KMT2C: variants seen among roughly 807,000 people sequenced by gnomAD.
KMT2C encodes histone-lysine N-methyltransferase 2C.
Under a neutral mutation model 507.9 loss-of-function variants are expected in KMT2C, and 88 were observed. The observed-to-expected ratio is 0.17, with a 90% CI of 0.15 to 0.21. KMT2C has a LOEUF of 0.21. Among genes scored for constraint, KMT2C ranks in the 10% least tolerant of loss-of-function variants. KMT2C has a pLI of 1.00. For missense variants in KMT2C, 4,954 were observed against 5,957.8 expected (o/e 0.83, Z 5.55); for synonymous variants, 2,049 against 2,080.8 (o/e 0.98, Z 0.42).
chr7:152,243,180 A>G (rs2095415308), intron 14 of KMT2C, among the ~76,000 whole-genome samples: 1 of 152,228 alleles, frequency 6.6e-6, no homozygotes. Context: ...CTACAGAAAC[A>G]GCTATTATCA....
At chr7:152,322,595 A>G (rs1396590671) in intron 3 of KMT2C, among the ~76,000 whole-genome samples, 4 of 152,018 alleles carry the variant, frequency 2.6e-5, no homozygotes, top group Admixed American at 6.6e-5. Flanking sequence ...CGGATGTCAA[A>G]CTATAAAACT....
At chr7:152,387,468 CA>C (rs2097440331) in intron 1 of KMT2C, among the ~76,000 whole-genome samples, 1 of 123,754 alleles carries the variant, frequency 8.1e-6, no homozygotes, top group Admixed American at 8.0e-5. Flanking sequence ...AGTATAATTC[CA>C]TTTTTTTTTT....
chr7:152,357,900 A>G (rs2097165374), intron 2 of KMT2C, among the ~76,000 whole-genome samples: 1 of 152,236 alleles, frequency 6.6e-6, no homozygotes, highest in African/African-American at 2.4e-5. Flanking sequence ...AAGCATCAAG[A>G]TGATATTCAA....
chr7:152,352,807 A>C (rs1387612364), intron 2 of KMT2C, among the ~76,000 whole-genome samples: 1 of 152,180 alleles, frequency 6.6e-6, no homozygotes, highest in African/African-American at 2.4e-5. Flanking sequence ...TGGGCCTGAA[A>C]AATAAAACTT....
chr7:152,403,861 C>A (rs2097588236), intron 1 of KMT2C, among the ~76,000 whole-genome samples: 1 of 151,912 alleles, frequency 6.6e-6, no homozygotes, highest in African/African-American at 2.4e-5. Flanking sequence ...TAAGTTGAAG[C>A]AAAATAATGT....
Position 152,163,149 on chromosome 7 carries a change from T to C in KMT2C, c.10428A>G (p.Gln3476=). Reference sequence around the variant, plus strand: ...GCTGTAAAACCTGCCCCATTTGCTGTTGGTGTTGTGGAGACTGCTGAAGGG... The same window carrying C: ...GCTGTAAAACCTGCCCCATTTGCTGCTGGTGTTGTGGAGACTGCTGAAGGG... ...LGPLQQSPQH[Q]QQMGQVLQQQ... is the part of the protein sequence containing the mutation. Residue 3476 remains glutamine, a synonymous_variant, in exon 43 of 59, where the codon CAA becomes CAG. Transcript: ENST00000262189. 6.2e-7 allele frequency: 1 copy of C among 1,614,196 alleles called. No homozygotes were observed.
At chr7:152,194,606 A>T in intron 28 of KMT2C, 38 bp from the exon 29 acceptor site, 3 of 1,559,408 alleles carry the variant, frequency 1.9e-6, no homozygotes, top group Non-Finnish European at 1.8e-6. Context: ...AGGTACATTC[A>T]GAATACTCAC....
Position 152,148,172 on chromosome 7 carries a change from C to T in KMT2C, c.13755G>A (p.Leu4585=), listed in dbSNP as rs779129493. The T allele has an allele frequency of 1.9e-6, 3 of 1,614,120 alleles. No homozygotes were observed. Among genetic ancestry groups the T allele is most frequent in the African/African-American group, 2.7e-5 (2 of 74,952 alleles). The change falls in exon 52 of 59, where the codon CTG becomes CTA. Residue 4585 remains leucine, a synonymous_variant. Coordinates refer to ENST00000262189, the MANE Select transcript of KMT2C (RefSeq NM_170606.3). This position sits in a 1 kb window ranked among gnomAD's most constrained non-coding sequence, Gnocchi z 7.1. Reference sequence around the variant, plus strand: ...TATTGGCATAGCGAGTGCTCCAGTACAGCCGGCTGGCTTCATAGCCCACAG... The same window carrying T: ...TATTGGCATAGCGAGTGCTCCAGTATAGCCGGCTGGCTTCATAGCCCACAG... ...LFPVGYEASR[L]YWSTRYANRR...
At chr7:152,335,463 C>T (rs997350415) in intron 2 of KMT2C, among the ~76,000 whole-genome samples, 38 of 152,146 alleles carry the variant, frequency 2.5e-4, no homozygotes, top group African/African-American at 8.2e-4. Context: ...AGCCAAATGG[C>T]CCAGGGTCGC....
chr7:152,279,223 C>A (rs77578701), intron 6 of KMT2C, among the ~76,000 whole-genome samples: 1 of 123,560 alleles, frequency 8.1e-6, no homozygotes, highest in Non-Finnish European at 1.8e-5. Context: ...TTCTATATAA[C>A]GGCAGAGTTT....
At chr7:152,383,863 T>A (rs1471031988) in intron 1 of KMT2C, among the ~76,000 whole-genome samples, 1 of 152,124 alleles carries the variant, frequency 6.6e-6, no homozygotes, top group African/African-American at 2.4e-5. Context: ...ACACTCATCA[T>A]CGTCATTACT....
At chr7:152,297,316 GAAA>G (rs1023473149) in intron 6 of KMT2C, among the ~76,000 whole-genome samples, 1 of 152,212 alleles carries the variant, frequency 6.6e-6, no homozygotes, top group East Asian at 1.9e-4. Context: ...AGCCAGGAGA[GAAA>G]AAAGCAGCAA....
At position 152,182,104 on chromosome 7, in the gene KMT2C, G is replaced by A; in HGVS notation, c.5756C>T (p.Ser1919Phe). The change falls in exon 36 of 59, where the codon TCT becomes TTT. Residue 1919 changes from serine (S) to phenylalanine (F), a missense_variant. Physicochemically the swap from Ser to Phe is radical, Grantham distance 155. Transcript: ENST00000262189. ...PVGHSFSRRN[S>F]AAPVENCTPL... Reference sequence around the variant, plus strand: ...TGTACAGTTTTCCACTGGTGCAGCAGAATTTCTTCTGGAAAAACTATGGCC... The same window carrying A: ...TGTACAGTTTTCCACTGGTGCAGCAAAATTTCTTCTGGAAAAACTATGGCC... 5 of 1,614,234 alleles carry A rather than the reference G, an allele frequency of 3.1e-6. No homozygotes were observed. The highest frequency in any genetic ancestry group is 4.2e-6 in the Non-Finnish European group (5 of 1,180,038).
In KMT2C at chr7:152,395,846, C is replaced by A. The variant is rs553151040; in HGVS notation, c.162-37171G>T. Among the ~76,000 whole-genome samples the A allele has an allele frequency of 2.0e-5, 3 of 152,208 alleles. No individual in the cohort carries two copies. The East Asian group carries it at 5.8e-4, about 29-fold the overall frequency. On this transcript the variant is annotated intron_variant, in intron 1 of 58. Coordinates refer to ENST00000262189, the MANE Select transcript of KMT2C (RefSeq NM_170606.3). ...TCAGTAAGAGTGTGATATCCTATCA[C>A]CAGTATTTTCCCCACACTTTGAGTG... is the stretch of plus-strand genomic sequence containing the variant.
At chr7:152,265,687 C>T (rs1355942738) in intron 7 of KMT2C, among the ~76,000 whole-genome samples, 2 of 151,890 alleles carry the variant, frequency 1.3e-5, no homozygotes, top group African/African-American at 4.8e-5. Flanking sequence ...GACTAAGATG[C>T]TTCTTAAGCA....
chr7:152,399,930 CA>C (rs1162544410), intron 1 of KMT2C, among the ~76,000 whole-genome samples: 18 of 151,204 alleles, frequency 1.2e-4, no homozygotes, highest in Admixed American at 8.5e-4. Context: ...AAAAAACAAA[CA>C]AACAAACAGA....
At chr7:152,348,489 C>T (rs915133122) in intron 2 of KMT2C, among the ~76,000 whole-genome samples, 1 of 150,280 alleles carries the variant, frequency 6.7e-6, no homozygotes, top group Non-Finnish European at 1.5e-5. Flanking sequence ...ATCCCAGCTA[C>T]TGAGGAGGCT....
In KMT2C at chr7:152,154,160, GA is replaced by G. The variant is rs761956952; in HGVS notation, c.12140-15del. ...TTGATTCTGAACCTTTAAAAAGAGA[GA>G]AAAAAAAGAGGAAAATAGTGTTAAT... is the stretch of plus-strand genomic sequence containing the variant. On this transcript the variant is annotated splice_polypyrimidine_tract_variant and intron_variant, in intron 47 of 58. Coordinates refer to ENST00000262189, the MANE Select transcript of KMT2C (RefSeq NM_170606.3). The G allele has an allele frequency of 3.1e-6, 5 of 1,603,074 alleles. No individual in the cohort carries two copies. Among genetic ancestry groups the G allele is most frequent in the Admixed American group, 1.8e-5 (1 of 57,070 alleles).
intron 40 of KMT2C, among the ~76,000 whole-genome samples, chr7:152,170,435 A>G (rs544444461): frequency 5.9e-5 from 9 of 152,346 alleles, no homozygotes; most frequent in Admixed American, 2.6e-4. Context: ...TATTAAAAAT[A>G]TAGCATATCT....
Sources: allele counts gnomAD v4.1 joint callset (sites outside exome capture counted in the v4.1 genomes callset), GRCh38; gene constraint gnomAD v4.1.1; non-coding constraint Gnocchi (gnomAD v3.1); transcripts MANE v1.5; gene names NCBI Gene and HGNC (gene_info 2026-07-23, HGNC 2026-07-21).